The following PKIA variants were observed in gnomAD, a reference collection of about 807,000 sequenced individuals.
PKIA encodes the protein PKI-alpha.
In PKIA, 4 loss-of-function variants were observed where a neutral mutation model predicts 7.6. The ratio of observed to expected loss-of-function variants is 0.52; its 90% CI spans 0.26 to 1.20. The LOEUF (loss-of-function observed/expected upper bound fraction) is 1.20. Ranked by LOEUF, PKIA falls within the 50% of genes most tolerant of loss-of-function variation. The pLI, the probability that PKIA is intolerant of heterozygous loss-of-function variation, is 0.13. For synonymous variants in PKIA, 21 were observed against 30.7 expected (o/e 0.68, Z 1.04); for missense variants, 73 against 86.2 (o/e 0.85, Z 0.61).
At chr8:78,532,405 T>C (rs1191025128) in intron 1 of PKIA, among the ~76,000 whole-genome samples, 1 of 151,260 alleles carries the variant, frequency 6.6e-6, no homozygotes, top group Non-Finnish European at 1.5e-5. Context: ...ATTTCTATCA[T>C]AACTGCTTCC....
intron 1 of PKIA, among the ~76,000 whole-genome samples, chr8:78,521,801 A>G (rs1809421981): frequency 6.6e-6 from 1 of 151,958 alleles, no homozygotes; most frequent in African/African-American, 2.4e-5. Flanking sequence ...TATCACCACT[A>G]TCAGTTTTCA....
chr8:78,600,297 T>C (rs891070972), intron 3 of PKIA, among the ~76,000 whole-genome samples: 1 of 149,690 alleles, frequency 6.7e-6, no homozygotes, highest in African/African-American at 2.4e-5. Context: ...GGAATTTTTT[T>C]TGTAATTCGT....
intron 2 of PKIA, among the ~76,000 whole-genome samples, chr8:78,583,486 C>A (rs1016992233): frequency 3.9e-5 from 6 of 152,232 alleles, no homozygotes; most frequent in African/African-American, 1.4e-4. Flanking sequence ...AATAGCATTA[C>A]CTGCAAGTAT....
chr8:78,599,680 G>A (rs1808309406), intron 3 of PKIA, among the ~76,000 whole-genome samples: 1 of 151,992 alleles, frequency 6.6e-6, no homozygotes, highest in African/African-American at 2.4e-5. Context: ...ACAGCTCTGA[G>A]AAAGACTGTA....
chr8:78,598,392 A>G lies in PKIA; in HGVS notation c.8A>G (p.Asp3Gly). Residue 3 changes from aspartate to glycine, a missense_variant, in exon 3 of 4, where the codon GAT becomes GGT. Physicochemically the swap from Asp to Gly is moderately conservative, Grantham distance 94. Coordinates refer to ENST00000396418, the MANE Select transcript of PKIA (RefSeq NM_006823.4). MT[D>G]VETTYADFIA... ...TGTGGATATTTGGTAGCAATGACTG[A>G]TGTGGAAACTACATATGCAGATTTT... The G allele has an allele frequency of 6.2e-7, 1 of 1,610,106 alleles. No individual in the cohort carries two copies. Among genetic ancestry groups the G allele is most frequent in the South Asian group, 1.1e-5 (1 of 90,660 alleles).
At chr8:78,536,455 GA>G (rs756530052) in intron 1 of PKIA, among the ~76,000 whole-genome samples, 60 of 152,118 alleles carry the variant, frequency 3.9e-4, no homozygotes, top group South Asian at 8.3e-4. Context: ...TTCTTTGAAA[GA>G]AAAAGAAGAG....
Position 78,602,157 on chromosome 8 carries a change from G to A in PKIA, c.*336G>A, listed in dbSNP as rs1225214387. 4.3e-6 allele frequency: 1 copy of A among 231,730 alleles called. No individual in the cohort carries two copies. Among genetic ancestry groups the A allele is most frequent in the Non-Finnish European group, 8.3e-6 (1 of 120,264 alleles). 14.4% of individuals were successfully genotyped at this position (231,730 alleles called of 1,614,324 possible). On this transcript the variant is annotated 3_prime_UTR_variant, in exon 4 of 4. Coordinates refer to ENST00000396418, the MANE Select transcript of PKIA (RefSeq NM_006823.4). ...CCTGTAGCATCTGGCCCCTCACAAT[G>A]TCAGAGGATTTAATTGTGTCTAATT... is the stretch of plus-strand genomic sequence containing the variant.
intron 1 of PKIA, among the ~76,000 whole-genome samples, chr8:78,571,545 C>T (rs868790887): frequency 6.6e-6 from 1 of 152,090 alleles, no homozygotes; most frequent in African/African-American, 2.4e-5. Context: ...ACTTTCTCAC[C>T]CACTGGTGGG....
At chr8:78,544,521 G>A (rs1806776047) in intron 1 of PKIA, among the ~76,000 whole-genome samples, 1 of 152,134 alleles carries the variant, frequency 6.6e-6, no homozygotes, top group Admixed American at 6.6e-5. Context: ...ACTGTTTCCA[G>A]TGCCTACACT....
At chr8:78,581,109 C>T (rs1585917589) in intron 2 of PKIA, among the ~76,000 whole-genome samples, 2 of 151,984 alleles carry the variant, frequency 1.3e-5, no homozygotes, top group East Asian at 1.9e-4. Context: ...CCAGAGCTTT[C>T]TGGAGAAATG....
chr8:78,565,995 A>G (rs1807403055), intron 1 of PKIA, among the ~76,000 whole-genome samples: 1 of 152,040 alleles, frequency 6.6e-6, no homozygotes, highest in Non-Finnish European at 1.5e-5. Context: ...TAATTATTTA[A>G]TAAGTTCTAC....
intron 1 of PKIA, among the ~76,000 whole-genome samples, chr8:78,544,922 T>C (rs957919858): frequency 2.6e-5 from 4 of 152,152 alleles, no homozygotes; most frequent in Admixed American, 6.5e-5. Flanking sequence ...ACACATTAAA[T>C]AGCCAGTAAT....
At chr8:78,577,608 C>T (rs7011634) in intron 2 of PKIA, among the ~76,000 whole-genome samples, 21,085 of 151,812 alleles carry the variant, frequency 0.14, 1,754 homozygotes, top group African/African-American at 0.23. Context: ...TATTCATATA[C>T]GACTACAATT....
At chr8:78,597,656 A>G (rs1808257097) in intron 2 of PKIA, among the ~76,000 whole-genome samples, 1 of 152,250 alleles carries the variant, frequency 6.6e-6, no homozygotes, top group Admixed American at 6.5e-5. Context: ...AGAAAATTTT[A>G]TAATGTAAAC....
At chr8:78,523,512 C>T (rs976709917) in intron 1 of PKIA, among the ~76,000 whole-genome samples, 4 of 151,906 alleles carry the variant, frequency 2.6e-5, no homozygotes, top group African/African-American at 7.2e-5. Context: ...AGCAACACAA[C>T]CTGCTACATT....
intron 1 of PKIA, among the ~76,000 whole-genome samples, chr8:78,544,087 T>C (rs1424100174): frequency 6.6e-6 from 1 of 152,186 alleles, no homozygotes; most frequent in African/African-American, 2.4e-5. Flanking sequence ...TATACTTATA[T>C]AGCTAATAAA....
chr8:78,576,193 G>A (rs1290793702), intron 2 of PKIA, among the ~76,000 whole-genome samples: 1 of 152,016 alleles, frequency 6.6e-6, no homozygotes, highest in Admixed American at 6.6e-5. Flanking sequence ...ACATAATTCA[G>A]TCTCTAATAG....
At chr8:78,598,605 G>A (rs1011094771) in intron 3 of PKIA, 70 bp downstream of exon 3, 4 of 1,230,762 alleles carry the variant, frequency 3.3e-6, no homozygotes, top group Admixed American at 1.9e-5. Flanking sequence ...GAGGGATTAA[G>A]GCACGAAAAG....
chr8:78,539,879 T>C (rs1461146420), intron 1 of PKIA, among the ~76,000 whole-genome samples: 3 of 152,068 alleles, frequency 2.0e-5, no homozygotes, highest in Non-Finnish European at 4.4e-5. Flanking sequence ...TGCATATATA[T>C]AAACATACAC....
Sources: gnomAD v4.1 joint callset for allele counts (sites outside exome capture counted in the v4.1 genomes callset) on GRCh38, gnomAD v4.1.1 for gene constraint, MANE v1.5 for transcripts, NCBI Gene and HGNC (gene_info 2026-07-23, HGNC 2026-07-21) for gene names.